SORCS1: variants seen among roughly 807,000 people sequenced by gnomAD.
SORCS1 encodes VPS10 domain-containing receptor SorCS1.
In SORCS1, 60 loss-of-function variants were observed where a neutral mutation model predicts 146.1. The observed-to-expected ratio is 0.41, with a 90% CI of 0.33 to 0.51. SORCS1 has a LOEUF of 0.51. Among genes scored for constraint, SORCS1 ranks in the 20% least tolerant of loss-of-function variants. SORCS1 has a pLI of 0.21. For synonymous variants in SORCS1, 637 were observed against 584.0 expected (o/e 1.09, Z -1.31); for missense variants, 1,352 against 1,487.6 (o/e 0.91, Z 1.50).
At chr10:106,678,236 C>T (rs1224419171) in intron 12 of SORCS1, among the ~76,000 whole-genome samples, 8 of 152,098 alleles carry the variant, frequency 5.3e-5, no homozygotes, top group African/African-American at 1.4e-4. Context: ...GCCTTGCTTG[C>T]GGTGTTGGAA....
At chr10:106,679,987 G>C (rs1243164774) in intron 10 of SORCS1, among the ~76,000 whole-genome samples, 1 of 152,084 alleles carries the variant, frequency 6.6e-6, no homozygotes, top group African/African-American at 2.4e-5. Flanking sequence ...TTTGGTCTTT[G>C]TCATTACAGA....
chr10:107,107,126 A>T (rs533735245), intron 1 of SORCS1, among the ~76,000 whole-genome samples: 1 of 152,348 alleles, frequency 6.6e-6, no homozygotes, highest in African/African-American at 2.4e-5. Context: ...TGTCCAGGTG[A>T]CTTTGAAACT....
intron 24 of SORCS1, among the ~76,000 whole-genome samples, chr10:106,581,769 G>T (rs2133208264): frequency 6.6e-6 from 1 of 152,184 alleles, no homozygotes; most frequent in East Asian, 1.9e-4. Context: ...AACTCTAAAA[G>T]ATAAGATCTC....
intron 5 of SORCS1, among the ~76,000 whole-genome samples, chr10:106,760,710 AACACACACAC>A (rs58948425): frequency 1.3e-5 from 2 of 148,582 alleles, no homozygotes; most frequent in Non-Finnish European, 3.0e-5. Context: ...CACACACACT[AACACACACAC>A]ACACACACAC....
At chr10:106,585,681 A>G (rs1331480987) in intron 24 of SORCS1, among the ~76,000 whole-genome samples, 4 of 152,222 alleles carry the variant, frequency 2.6e-5, no homozygotes, top group Non-Finnish European at 5.9e-5. Flanking sequence ...TCATGTCTTG[A>G]ATCTGAGCTA....
chr10:107,001,225 T>C (rs1957203260), intron 1 of SORCS1, among the ~76,000 whole-genome samples: 1 of 152,140 alleles, frequency 6.6e-6, no homozygotes, highest in Admixed American at 6.5e-5. Context: ...CAGGGATTGT[T>C]GTAAAGGGAA....
intron 24 of SORCS1, among the ~76,000 whole-genome samples, chr10:106,596,059 A>G (rs1292432152): frequency 6.6e-6 from 1 of 152,202 alleles, no homozygotes; most frequent in Non-Finnish European, 1.5e-5. Context: ...TGAGACATAC[A>G]GAAGTTAAAT....
At chr10:107,113,470 C>T (rs948249706) in intron 1 of SORCS1, among the ~76,000 whole-genome samples, 6 of 151,914 alleles carry the variant, frequency 3.9e-5, no homozygotes, top group East Asian at 1.9e-4. Flanking sequence ...AGATGGATCA[C>T]GAGGTCAAGA....
chr10:106,656,114 A>T (rs1021999962), intron 17 of SORCS1, among the ~76,000 whole-genome samples: 8 of 152,218 alleles, frequency 5.3e-5, no homozygotes, highest in Admixed American at 5.2e-4. Flanking sequence ...ATGGCTCACC[A>T]GTAGATAGGA....
intron 19 of SORCS1, among the ~76,000 whole-genome samples, chr10:106,627,098 CTGTG>C (rs1371473686): frequency 6.6e-6 from 1 of 152,190 alleles, no homozygotes; most frequent in Non-Finnish European, 1.5e-5. Context: ...GAGACAATCT[CTGTG>C]TGTGTTGTTT....
intron 3 of SORCS1, among the ~76,000 whole-genome samples, chr10:106,786,504 GTA>G (rs1946060467): frequency 6.6e-6 from 1 of 152,148 alleles, no homozygotes; most frequent in African/African-American, 2.4e-5. Flanking sequence ...CCAAGATCAA[GTA>G]TTCCAAAGGG....
At chr10:107,088,435 C>T (rs181727432) in intron 1 of SORCS1, among the ~76,000 whole-genome samples, 5 of 152,232 alleles carry the variant, frequency 3.3e-5, no homozygotes, top group Admixed American at 2.6e-4. Flanking sequence ...GGTGGGATTT[C>T]CCTGATTGGG....
intron 2 of SORCS1, among the ~76,000 whole-genome samples, chr10:106,955,088 C>T (rs748238168): frequency 8.5e-5 from 13 of 152,208 alleles, no homozygotes; most frequent in African/African-American, 2.4e-4. Flanking sequence ...AGCTGTAACA[C>T]GAATGAGGTG....
intron 1 of SORCS1, among the ~76,000 whole-genome samples, chr10:107,000,523 C>T (rs1957174687): frequency 6.6e-6 from 1 of 151,460 alleles, no homozygotes; most frequent in Admixed American, 6.6e-5. Context: ...AGGGGAATCG[C>T]TTGAACCTGG....
At chr10:106,770,913 C>T (rs1031179924) in intron 4 of SORCS1, among the ~76,000 whole-genome samples, 11 of 152,200 alleles carry the variant, frequency 7.2e-5, no homozygotes, top group African/African-American at 2.7e-4. Flanking sequence ...TGGTCTTGAA[C>T]GTCCACAAGG....
chr10:106,776,143 C>T (rs1860417456), intron 4 of SORCS1, among the ~76,000 whole-genome samples: 1 of 152,136 alleles, frequency 6.6e-6, no homozygotes, highest in East Asian at 1.9e-4. Flanking sequence ...TTAAACTTTT[C>T]AGGGTTATGC....
intron 2 of SORCS1, among the ~76,000 whole-genome samples, chr10:106,911,556 C>T (rs73376977): frequency 0.016 from 2,360 of 152,158 alleles, 63 homozygotes; most frequent in East Asian, 0.07. Flanking sequence ...TATTGGGCAG[C>T]GTAGTCCCCA....
rs553909434 is a variant in SORCS1, at chr10:107,156,613, G to T, written c.558+7356C>A. Among the ~76,000 whole-genome samples, 133 of 152,278 alleles carry T rather than the reference G, an allele frequency of 8.7e-4. 5 individuals carry two copies. The South Asian group carries it at 0.026, about 30-fold the overall frequency. Reference sequence around the variant, plus strand: ...ACCCCAACAGTTAGAAGTAGAAAAAGCTACATCTGGTAACTCAGTTATAAT... The same window carrying T: ...ACCCCAACAGTTAGAAGTAGAAAAATCTACATCTGGTAACTCAGTTATAAT... On this transcript the variant is annotated intron_variant, in intron 1 of 25. Coordinates refer to ENST00000263054, the MANE Select transcript of SORCS1 (RefSeq NM_052918.5).
intron 3 of SORCS1, among the ~76,000 whole-genome samples, chr10:106,791,934 C>T (rs1281774097): frequency 6.6e-6 from 1 of 152,076 alleles, no homozygotes; most frequent in Non-Finnish European, 1.5e-5. Context: ...TCCCTTTTAT[C>T]CTTTTGTCAT....
Sources: gnomAD v4.1 joint callset for allele counts (sites outside exome capture counted in the v4.1 genomes callset) on GRCh38, gnomAD v4.1.1 for gene constraint, MANE v1.5 for transcripts, NCBI Gene and HGNC (gene_info 2026-07-23, HGNC 2026-07-21) for gene names.